MFSD11: variants seen among roughly 807,000 people sequenced by gnomAD.
MFSD11 encodes UNC93-like protein MFSD11.
A neutral mutation model predicts 53.5 loss-of-function variants in MFSD11; 36 were observed. The observed-to-expected ratio is 0.67, with a 90% CI of 0.52 to 0.89. The LOEUF (loss-of-function observed/expected upper bound fraction) is 0.89, where lower values mean the gene tolerates loss of function less well. Among genes scored for constraint, MFSD11 ranks in the 40% least tolerant of loss-of-function variants. The probability of loss-of-function intolerance (pLI) is 0.00; values close to 1 mark genes in which losing one functional copy is unlikely to be tolerated. For missense variants in MFSD11, 530 were observed against 543.9 expected, an observed-to-expected ratio of 0.97 and a Z score of 0.25; for synonymous variants, 186 against 184.9, an observed-to-expected ratio of 1.01 and a Z score of -0.05.
At chr17:76,798,651 A>C in the MFSD11 span, among the ~76,000 whole-genome samples, 4 of 152,088 alleles carry the variant, frequency 2.6e-5, no homozygotes, top group Non-Finnish European at 4.4e-5. Context: ...ATTATATCAC[A>C]TCTAGTAAAG....
Position 76,767,458 on chromosome 17 carries a change from G to A in MFSD11, c.748+7G>A. ...ATTACAACTGCTTATACAGGTAATG[G>A]AATTACTGTTCTTATTTTCTCTTGC... is the stretch of plus-strand genomic sequence containing the variant. On this transcript the variant is annotated splice_region_variant and intron_variant, in intron 9 of 12. Coordinates refer to ENST00000685175, the MANE Select transcript of MFSD11 (RefSeq NM_001242532.5). The A allele has an allele frequency of 2.0e-6, 3 of 1,530,898 alleles. No homozygotes were observed. The highest frequency in any genetic ancestry group is 2.7e-6 in the Non-Finnish European group (3 of 1,109,544). 94.8% of individuals were successfully genotyped at this position (1,530,898 alleles called of 1,614,324 possible).
Position 76,744,347 on chromosome 17 carries a change from T to C in MFSD11, c.522T>C (p.Ile174=), listed in dbSNP as rs752914955. Reference sequence around the variant, plus strand: ...AGAGTGACCGAAGAACAGTGTTTATTGCCCTAACGGTGATTAGCCTTGTGG... The same window carrying C: ...AGAGTGACCGAAGAACAGTGTTTATCGCCCTAACGGTGATTAGCCTTGTGG... ...ISESDRRTVF[I]ALTVISLVGT... is the part of the protein sequence containing the mutation. The change falls in exon 7 of 13, where the codon ATT becomes ATC. Residue 174 remains isoleucine (I), a synonymous_variant. Coordinates refer to ENST00000685175, the MANE Select transcript of MFSD11 (RefSeq NM_001242532.5). 48 of 1,612,474 alleles carry C rather than the reference T, an allele frequency of 3.0e-5. No individual in the cohort carries two copies. The East Asian group carries it at 1.0e-3, about 34-fold the overall frequency.
At position 76,740,944 on chromosome 17, in the gene MFSD11, A is replaced by G; in HGVS notation, c.153-13A>G. The G allele has an allele frequency of 7.7e-7, 1 of 1,292,042 alleles. No homozygotes were observed. Among genetic ancestry groups the G allele is most frequent in the Non-Finnish European group, 1.1e-6 (1 of 932,338 alleles). The allele number at this position is 1,292,042 out of a possible 1,614,324, so 80.0% of individuals were successfully genotyped here. On this transcript the variant is annotated splice_polypyrimidine_tract_variant and intron_variant, in intron 2 of 12. Coordinates refer to ENST00000685175, the MANE Select transcript of MFSD11 (RefSeq NM_001242532.5). ...TTTTTTTTTTTTTTTCCGTTTGTGT[A>G]TTATGTGTGCAGCATGGCTATTATC...
downstream of MFSD11, among the ~76,000 whole-genome samples, chr17:76,782,571 C>T (rs1441157934): frequency 5.4e-5 from 8 of 149,136 alleles, no homozygotes; most frequent in East Asian, 1.0e-3. Context: ...CTCCACATCC[C>T]GGGTTCAAGC....
rs145161024 is a variant in MFSD11, at chr17:76,751,471, A to G, written c.642-2576A>G. Among the ~76,000 whole-genome samples, 223 of 152,138 alleles carry G rather than the reference A, an allele frequency of 1.5e-3. 1 individual carries two copies. Among genetic ancestry groups the G allele is most frequent in the African/African-American group, 5.1e-3 (212 of 41,516 alleles). On this transcript the variant is annotated intron_variant, in intron 7 of 12. Transcript: ENST00000685175. Reference sequence around the variant, plus strand: ...CACTTTGGGAGGCTGAAGTCAGAGGATCACTGAGCCCAGAGTTCCAGACCA... The same window carrying G: ...CACTTTGGGAGGCTGAAGTCAGAGGGTCACTGAGCCCAGAGTTCCAGACCA...
At position 76,776,349 on chromosome 17, in the gene MFSD11, AT is replaced by A; in HGVS notation, c.1050-53del. 6.4e-7 allele frequency: 1 copy of A among 1,573,158 alleles called. No individual in the cohort carries two copies. Among genetic ancestry groups the A allele is most frequent in the South Asian group, 1.2e-5 (1 of 86,098 alleles). On this transcript the variant is annotated intron_variant, in intron 11 of 12. Coordinates refer to ENST00000685175, the MANE Select transcript of MFSD11 (RefSeq NM_001242532.5). The surrounding 1 kb of genome is among the most constrained non-coding windows in gnomAD (Gnocchi z 4.2). ...TCTTTTGTGGGTGGGTTGCTTGTAT[AT>A]TTTAAATGGCTCTAGCAGATATTGC...
At chr17:76,774,552 ACT>A (rs1426935387) in intron 10 of MFSD11, among the ~76,000 whole-genome samples, 2 of 151,762 alleles carry the variant, frequency 1.3e-5, no homozygotes, top group African/African-American at 4.8e-5. Context: ...CTGGCTGCTG[ACT>A]CTTCCTAGGC....
At chr17:76,780,463 G>A (rs543300116), downstream of MFSD11, among the ~76,000 whole-genome samples, 1 of 150,784 alleles carries the variant, frequency 6.6e-6, no homozygotes, top group African/African-American at 2.4e-5. Context: ...AAGAGCCACC[G>A]TGCCTAGGAA....
chr17:76,774,328 A>G (rs1007829462), intron 10 of MFSD11, among the ~76,000 whole-genome samples: 6 of 152,086 alleles, frequency 3.9e-5, no homozygotes, highest in Non-Finnish European at 7.4e-5. Context: ...GCCTCAAGCA[A>G]TTCTCCCACC....
At position 76,775,121 on chromosome 17, in the gene MFSD11, C is replaced by G. The variant is rs1178706329; in HGVS notation, c.999C>G (p.Ala333=). Reference sequence around the variant, plus strand: ...TATTTCTCAACATGCCTGGAGATGCCCCGATTGCTCCTGTTAAAGGAACTG... The same window carrying G: ...TATTTCTCAACATGCCTGGAGATGCGCCGATTGCTCCTGTTAAAGGAACTG... ...YLIFLNMPGD[A]PIAPVKGTDS... Residue 333 remains alanine, a synonymous_variant, in exon 11 of 13, where the codon GCC becomes GCG. Coordinates refer to ENST00000685175, the MANE Select transcript of MFSD11 (RefSeq NM_001242532.5). 1 of 1,613,958 alleles carries G rather than the reference C, an allele frequency of 6.2e-7. No individual in the cohort carries two copies. The highest frequency in any genetic ancestry group is 2.2e-5 in the East Asian group (1 of 44,880).
chr17:76,746,120 C>G (rs1014290699), intron 7 of MFSD11, among the ~76,000 whole-genome samples: 2 of 152,148 alleles, frequency 1.3e-5, no homozygotes, highest in African/African-American at 2.4e-5. Context: ...AGGGAACACA[C>G]GAATGATAAG....
At chr17:76,753,790 C>T (rs1435643311) in intron 7 of MFSD11, among the ~76,000 whole-genome samples, 4 of 151,734 alleles carry the variant, frequency 2.6e-5, no homozygotes, top group East Asian at 3.9e-4. Flanking sequence ...CGTGCATAAA[C>T]ATGTACAATA....
At chr17:76,794,480 G>GGA in the MFSD11 span, among the ~76,000 whole-genome samples, 1 of 138,886 alleles carries the variant, frequency 7.2e-6, no homozygotes, top group Non-Finnish European at 1.5e-5. Flanking sequence ...CCGTCTCAAA[G>GGA]AAAAAAAAAA....
chr17:76,799,954 C>CT, the MFSD11 span, among the ~76,000 whole-genome samples: 3 of 87,300 alleles, frequency 3.4e-5, no homozygotes, highest in African/African-American at 8.3e-5. Flanking sequence ...TTTTCTTTTT[C>CT]CTTTTTTTTT....
chr17:76,749,673 C>T lies in MFSD11; in HGVS notation c.642-4374C>T, dbSNP rs2078876165. ...TTGGGAGGCCGAGGTGGGCGGATCA[C>T]GAGGTCAGGAGATCGAGACCATCCT... On this transcript the variant is annotated intron_variant, in intron 7 of 12. Coordinates refer to ENST00000685175, the MANE Select transcript of MFSD11 (RefSeq NM_001242532.5). Among the ~76,000 whole-genome samples the T allele has an allele frequency of 2.6e-5, 4 of 152,000 alleles. No homozygotes were observed. In the South Asian group the frequency reaches 6.2e-4, roughly 24 times the overall value.
intron 2 of MFSD11, among the ~76,000 whole-genome samples, chr17:76,739,487 T>C (rs1468163768): frequency 1.3e-5 from 2 of 152,228 alleles, no homozygotes; most frequent in African/African-American, 4.8e-5. Context: ...TGAAAAGACC[T>C]TCACAAGTCA....
intron 10 of MFSD11, among the ~76,000 whole-genome samples, chr17:76,773,930 T>G (rs2081589531): frequency 6.6e-6 from 1 of 151,624 alleles, no homozygotes; most frequent in African/African-American, 2.4e-5. Flanking sequence ...TTTAAATTAT[T>G]TTTTTATTTT....
chr17:76,799,160 G>A, the MFSD11 span: 2 of 152,144 alleles, frequency 1.3e-5, no homozygotes, highest in Non-Finnish European at 2.9e-5. Context: ...CTGTCACCCA[G>A]GCTGGAGTGC....
chr17:76,743,422 A>G lies in MFSD11; in HGVS notation c.462A>G (p.Ile154Met). 1.3e-6 allele frequency: 2 copies of G among 1,583,128 alleles called. No homozygotes were observed. The highest frequency in any genetic ancestry group is 1.7e-6 in the Non-Finnish European group (2 of 1,167,012). ...GCTTGTTCTTTGGAAATCTCTACAT[A>G]TATTTTGCCTGGCAAGGGAAAACTC... is the stretch of plus-strand genomic sequence containing the variant. ...QSSLFFGNLY[I>M]YFAWQGKTQI... Residue 154 changes from isoleucine (I) to methionine (M), a missense_variant, in exon 6 of 13, where the codon ATA (isoleucine) becomes ATG (methionine). Coordinates refer to ENST00000685175, the MANE Select transcript of MFSD11 (RefSeq NM_001242532.5).
Sources: gnomAD v4.1 joint callset for allele counts (sites outside exome capture counted in the v4.1 genomes callset) on GRCh38, gnomAD v4.1.1 for gene constraint, Gnocchi (gnomAD v3.1) non-coding constraint, MANE v1.5 for transcripts, NCBI Gene and HGNC (gene_info 2026-07-23, HGNC 2026-07-21) for gene names.